EXOC6B: variants seen among roughly 807,000 people sequenced by gnomAD.
EXOC6B encodes SEC15 homolog B.
A neutral mutation model predicts 113.5 loss-of-function variants in EXOC6B; 54 were observed. The ratio of observed to expected loss-of-function variants is 0.48; its 90% CI spans 0.38 to 0.60. The LOEUF (loss-of-function observed/expected upper bound fraction) is 0.60. Among genes scored for constraint, EXOC6B ranks in the 20% least tolerant of loss-of-function variants. The probability of loss-of-function intolerance (pLI) is 0.00; values close to 1 mark genes in which losing one functional copy is unlikely to be tolerated. For missense variants in EXOC6B, 797 were observed against 977.5 expected (o/e 0.82, Z 2.46); for synonymous variants, 357 against 339.0 (o/e 1.05, Z -0.58).
intron 6 of EXOC6B, among the ~76,000 whole-genome samples, chr2:72,646,083 A>G (rs1673687436): frequency 6.6e-6 from 1 of 152,220 alleles, no homozygotes; most frequent in Admixed American, 6.5e-5. Context: ...AGAATCAAAT[A>G]GACGCAATAA....
In EXOC6B at chr2:72,452,111, C is replaced by G. The variant is rs530078909; in HGVS notation, c.1980+13049G>C. 2.0e-5 allele frequency among the ~76,000 whole-genome samples: 3 copies of G among 152,194 alleles called. No individual in the cohort carries two copies. The East Asian group carries it at 5.8e-4, about 29-fold the overall frequency. On this transcript the variant is annotated intron_variant, in intron 18 of 21. Coordinates refer to ENST00000272427, the MANE Select transcript of EXOC6B (RefSeq NM_015189.3). ...ATATTCCAAGCAGTAATATTTTCTT[C>G]CTTTTGAACTTGGATTATTACCTTT...
chr2:72,788,639 A>C (rs747634660), intron 1 of EXOC6B, among the ~76,000 whole-genome samples: 4 of 152,040 alleles, frequency 2.6e-5, no homozygotes, highest in Non-Finnish European at 4.4e-5. Flanking sequence ...TCTACAAAAA[A>C]TTTTAAAAAT....
intron 1 of EXOC6B, among the ~76,000 whole-genome samples, chr2:72,802,578 A>C (rs1190970985): frequency 6.6e-6 from 1 of 152,152 alleles, no homozygotes; most frequent in Admixed American, 6.6e-5. Flanking sequence ...ATGTGGCTTT[A>C]AGTAATTTTT....
intron 1 of EXOC6B, among the ~76,000 whole-genome samples, chr2:72,815,503 A>AG (rs1686186094): frequency 2.0e-5 from 3 of 151,932 alleles, no homozygotes; most frequent in Admixed American, 6.5e-5. Context: ...AAAAAAAAAA[A>AG]AAGAAAAAAG....
chr2:72,681,029 G>A (rs536211702), intron 6 of EXOC6B, among the ~76,000 whole-genome samples: 45 of 152,120 alleles, frequency 3.0e-4, no homozygotes, highest in African/African-American at 8.7e-4. Flanking sequence ...ACACACACCC[G>A]CTTACATACA....
At chr2:72,819,090 G>C (rs1686442482) in intron 1 of EXOC6B, among the ~76,000 whole-genome samples, 1 of 152,096 alleles carries the variant, frequency 6.6e-6, no homozygotes, top group African/African-American at 2.4e-5. Flanking sequence ...CTGGCACATA[G>C]ACATTGCTCA....
intron 1 of EXOC6B, among the ~76,000 whole-genome samples, chr2:72,778,478 T>A (rs978419543): frequency 6.6e-6 from 1 of 152,186 alleles, no homozygotes; most frequent in Non-Finnish European, 1.5e-5. Flanking sequence ...CCTTCTAGAA[T>A]AATGTACTGT....
chr2:72,455,962 G>A (rs1697207272), intron 18 of EXOC6B, among the ~76,000 whole-genome samples: 1 of 152,038 alleles, frequency 6.6e-6, no homozygotes, highest in Non-Finnish European at 1.5e-5. Flanking sequence ...CATGACACAA[G>A]GAAAAATGAC....
At chr2:72,625,278 AATAT>A (rs778086323) in intron 6 of EXOC6B, among the ~76,000 whole-genome samples, 1 of 150,694 alleles carries the variant, frequency 6.6e-6, no homozygotes, top group African/African-American at 2.4e-5. Flanking sequence ...TATACCTAAA[AATAT>A]ATATATATAC....
intron 1 of EXOC6B, 112 bp from the exon 2 acceptor site, chr2:72,741,581 T>G: frequency 1.1e-6 from 1 of 897,766 alleles, no homozygotes; most frequent in Middle Eastern, 3.3e-4. Context: ...ATAATCCAAC[T>G]GTATATTAAC....
chr2:72,386,701 T>A (rs1309041042), intron 18 of EXOC6B, among the ~76,000 whole-genome samples: 1 of 152,192 alleles, frequency 6.6e-6, no homozygotes. Flanking sequence ...TTGGGATTCA[T>A]GCTAAATGAA....
intron 1 of EXOC6B, among the ~76,000 whole-genome samples, chr2:72,742,206 G>T (rs1368168170): frequency 2.0e-5 from 3 of 152,086 alleles, no homozygotes; most frequent in Non-Finnish European, 2.9e-5. Context: ...AGTCCCTCTT[G>T]CTGTCTCAAG....
intron 6 of EXOC6B, among the ~76,000 whole-genome samples, chr2:72,647,331 C>T (rs560722150): frequency 2.0e-5 from 3 of 152,084 alleles, no homozygotes; most frequent in African/African-American, 4.8e-5. Flanking sequence ...AGAATCAATA[C>T]CATGAAAATG....
At chr2:72,358,645 T>C (rs1454377592) in intron 19 of EXOC6B, among the ~76,000 whole-genome samples, 1 of 152,184 alleles carries the variant, frequency 6.6e-6, no homozygotes, top group Non-Finnish European at 1.5e-5. Flanking sequence ...AAGGACAATC[T>C]ATTTCTATTA....
chr2:72,813,384 C>A (rs192257629), intron 1 of EXOC6B, among the ~76,000 whole-genome samples: 65 of 152,260 alleles, frequency 4.3e-4, no homozygotes, highest in Non-Finnish European at 7.4e-4. Flanking sequence ...CCACACCCAG[C>A]CAAATTTTAA....
chr2:72,405,092 G>C (rs1187950700), intron 18 of EXOC6B, among the ~76,000 whole-genome samples: 1 of 152,170 alleles, frequency 6.6e-6, no homozygotes, highest in African/African-American at 2.4e-5. Flanking sequence ...CAATCAACTG[G>C]AAGAAAGGGT....
chr2:72,476,958 C>T (rs1698785401), intron 17 of EXOC6B, among the ~76,000 whole-genome samples: 1 of 152,170 alleles, frequency 6.6e-6, no homozygotes, highest in Non-Finnish European at 1.5e-5. Context: ...TCCATTCCAA[C>T]TTGTACTTGT....
In EXOC6B at chr2:72,597,759, G is replaced by A. The variant is rs189101190; in HGVS notation, c.670-22091C>T. The stretch of plus-strand genomic sequence containing the variant: ...AGAGATGGGGAAACATATACCACAC[G>A]AACAGTAACAAAAAGAAAGCTGGAG... On this transcript the variant is annotated intron_variant, in intron 6 of 21. Coordinates refer to ENST00000272427, the MANE Select transcript of EXOC6B (RefSeq NM_015189.3). 5.5e-3 allele frequency among the ~76,000 whole-genome samples: 828 copies of A among 151,776 alleles called. 9 individuals carry two copies. Among genetic ancestry groups the A allele is most frequent in the African/African-American group, 0.019 (788 of 41,454 alleles).
intron 6 of EXOC6B, among the ~76,000 whole-genome samples, chr2:72,614,571 G>A (rs542429925): frequency 6.6e-6 from 1 of 152,106 alleles, no homozygotes; most frequent in Admixed American, 6.5e-5. Context: ...ATAAACTTTG[G>A]AACTTCCAAA....
Sources: gnomAD v4.1 joint callset for allele counts (sites outside exome capture counted in the v4.1 genomes callset) on GRCh38, gnomAD v4.1.1 for gene constraint, MANE v1.5 for transcripts, NCBI Gene and HGNC (gene_info 2026-07-23, HGNC 2026-07-21) for gene names.